The following EYS variants were observed in gnomAD, a reference collection of about 807,000 sequenced individuals.
EYS encodes protein eyes shut homolog.
EYS carries 250 observed loss-of-function variants against 282.1 expected under a neutral mutation model. That is an observed-to-expected ratio of 0.89 (90% CI 0.80 to 0.98). EYS has a LOEUF of 0.98. Among genes scored for constraint, EYS ranks in the 50% least tolerant of loss-of-function variants. The probability of loss-of-function intolerance (pLI) is 0.00; values close to 1 mark genes in which losing one functional copy is unlikely to be tolerated. For missense variants in EYS, 4,016 were observed against 3,709.0 expected (o/e 1.08, Z -2.15); for synonymous variants, 1,355 against 1,282.9 (o/e 1.06, Z -1.20).
chr6:64,940,959 T>C (rs1171110175), intron 15 of EYS, among the ~76,000 whole-genome samples: 1 of 152,112 alleles, frequency 6.6e-6, no homozygotes, highest in East Asian at 1.9e-4. Flanking sequence ...CTTTGTAAAA[T>C]AATCATCTGA....
At chr6:65,561,539 T>C (rs919962155) in intron 2 of EYS, among the ~76,000 whole-genome samples, 8 of 152,144 alleles carry the variant, frequency 5.3e-5, no homozygotes, top group African/African-American at 1.4e-4. Context: ...GTGTGTCTCA[T>C]TTTGCTTTTC....
At chr6:63,834,305 T>C (rs1182947053) in intron 36 of EYS, among the ~76,000 whole-genome samples, 4 of 152,098 alleles carry the variant, frequency 2.6e-5, no homozygotes, top group Non-Finnish European at 5.9e-5. Flanking sequence ...TTTTACAATC[T>C]ACCCATGTGA....
At position 63,762,590 on chromosome 6, in the gene EYS, T is replaced by C. The variant is rs1424701398; in HGVS notation, c.7942A>G (p.Thr2648Ala). 1.9e-6 allele frequency: 3 copies of C among 1,550,214 alleles called. No individual in the cohort carries two copies. Among genetic ancestry groups the C allele is most frequent in the Non-Finnish European group, 2.6e-6 (3 of 1,146,068 alleles). Residue 2648 changes from threonine (T) to alanine (A), a missense_variant, in exon 41 of 43, where the codon ACA (threonine) becomes GCA (alanine). Transcript: ENST00000503581. Reference sequence around the variant, plus strand: ...TGTTCAGGATCACAGGTAGAAACTGTCTCTGTGCAGAATGATCCTTTCCAC... The same window carrying C: ...TGTTCAGGATCACAGGTAGAAACTGCCTCTGTGCAGAATGATCCTTTCCAC... ...TGWKGSFCTETVSTCDPEHDP... is the reference protein window; with the variant it reads ...TGWKGSFCTEAVSTCDPEHDP...
chr6:63,763,870 TTATATATA>T (rs55668347), intron 40 of EYS, among the ~76,000 whole-genome samples: 35 of 129,664 alleles, frequency 2.7e-4, no homozygotes, highest in East Asian at 9.2e-4. Context: ...TTATATCTTG[TTATATATA>T]TATATATATA....
intron 41 of EYS, among the ~76,000 whole-genome samples, chr6:63,747,043 C>A (rs1273500498): frequency 2.6e-5 from 4 of 152,164 alleles, no homozygotes; most frequent in Admixed American, 6.5e-5. Context: ...GATTTTACAT[C>A]TTTTCCACTT....
At chr6:64,781,189 A>T (rs1441724237) in intron 22 of EYS, among the ~76,000 whole-genome samples, 1 of 150,888 alleles carries the variant, frequency 6.6e-6, no homozygotes, top group South Asian at 2.1e-4. Flanking sequence ...TGTGAATTTC[A>T]GGTAAATAAT....
At chr6:65,676,856 T>C (rs1768621683) in intron 1 of EYS, among the ~76,000 whole-genome samples, 1 of 151,712 alleles carries the variant, frequency 6.6e-6, no homozygotes, top group Non-Finnish European at 1.5e-5. Context: ...TCATATACCA[T>C]GACCAAGTGG....
intron 31 of EYS, among the ~76,000 whole-genome samples, chr6:64,150,020 C>T (rs1393671839): frequency 6.6e-6 from 1 of 152,176 alleles, no homozygotes; most frequent in Admixed American, 6.5e-5. Context: ...ACTGGTAATA[C>T]CAATTGTTTT....
At chr6:64,887,165 C>A (rs1463960986) in intron 18 of EYS, among the ~76,000 whole-genome samples, 4 of 150,302 alleles carry the variant, frequency 2.7e-5, no homozygotes, top group African/African-American at 7.3e-5. Flanking sequence ...TCATTCTCAG[C>A]AAACTATCAC....
intron 39 of EYS, among the ~76,000 whole-genome samples, chr6:63,782,477 G>A (rs1353432177): frequency 6.6e-6 from 1 of 152,086 alleles, no homozygotes; most frequent in African/African-American, 2.4e-5. Flanking sequence ...CTTTAGTCTT[G>A]GGAGGATATA....
At chr6:64,569,001 T>C (rs1384540200) in intron 26 of EYS, among the ~76,000 whole-genome samples, 1 of 67,234 alleles carries the variant, frequency 1.5e-5, no homozygotes, top group Non-Finnish European at 2.9e-5. Context: ...AGACTAAGGG[T>C]AGACAAATCC....
At chr6:64,346,288 A>G (rs1040582152) in intron 29 of EYS, among the ~76,000 whole-genome samples, 3 of 152,132 alleles carry the variant, frequency 2.0e-5, no homozygotes, top group African/African-American at 7.2e-5. Flanking sequence ...AATAGCAAAG[A>G]CTTGGAACCA....
chr6:65,415,949 G>A (rs552609107), intron 5 of EYS, among the ~76,000 whole-genome samples: 5 of 152,100 alleles, frequency 3.3e-5, no homozygotes, highest in African/African-American at 1.2e-4. Context: ...AAATTAATAA[G>A]TAGAGATAAA....
At chr6:64,796,174 T>C (rs1774349111) in intron 22 of EYS, among the ~76,000 whole-genome samples, 1 of 152,212 alleles carries the variant, frequency 6.6e-6, no homozygotes, top group South Asian at 2.1e-4. Flanking sequence ...TACATAATTA[T>C]TTATTCATGT....
chr6:63,992,211 A>C (rs1767636235), intron 34 of EYS, among the ~76,000 whole-genome samples: 1 of 151,842 alleles, frequency 6.6e-6, no homozygotes, highest in South Asian at 2.1e-4. Context: ...TAATACTGTA[A>C]TCATGGTGTG....
At chr6:63,954,556 A>G (rs1765731135) in intron 35 of EYS, among the ~76,000 whole-genome samples, 1 of 152,170 alleles carries the variant, frequency 6.6e-6, no homozygotes, top group South Asian at 2.1e-4. Context: ...TTTACTTCCA[A>G]AGGAAGTGGG....
At chr6:65,173,143 A>G (rs1765144359) in intron 12 of EYS, among the ~76,000 whole-genome samples, 1 of 151,388 alleles carries the variant, frequency 6.6e-6, no homozygotes, top group Non-Finnish European at 1.5e-5. Flanking sequence ...AAGAGTTGCA[A>G]TGGATAACCT....
chr6:65,539,482 T>C (rs1169721616), intron 2 of EYS, among the ~76,000 whole-genome samples: 2 of 152,156 alleles, frequency 1.3e-5, no homozygotes, highest in Admixed American at 6.5e-5. Flanking sequence ...ATGATTAGAA[T>C]TAAACAGAAT....
At chr6:64,765,377 T>C (rs1257745717) in intron 22 of EYS, among the ~76,000 whole-genome samples, 2 of 152,224 alleles carry the variant, frequency 1.3e-5, no homozygotes, top group Non-Finnish European at 2.9e-5. Context: ...TCTAGGAAGT[T>C]ACAAGCTTAC....
Sources: allele counts gnomAD v4.1 joint callset (sites outside exome capture counted in the v4.1 genomes callset), GRCh38; gene constraint gnomAD v4.1.1; transcripts MANE v1.5; gene names NCBI Gene and HGNC (gene_info 2026-07-23, HGNC 2026-07-21).